Variants in MAN1A2 observed in about 807,000 individuals in gnomAD.
MAN1A2 encodes the protein mannosyl-oligosaccharide 1,2-alpha-mannosidase IB.
Under a neutral mutation model 75.7 loss-of-function variants are expected in MAN1A2, and 26 were observed. The ratio of observed to expected loss-of-function variants is 0.34; its 90% confidence interval spans 0.25 to 0.48. The LOEUF (loss-of-function observed/expected upper bound fraction) is 0.48, where lower values mean the gene tolerates loss of function less well. Ranked by LOEUF, MAN1A2 falls within the 20% of genes least tolerant of loss-of-function variation. The pLI, the probability that MAN1A2 is intolerant of heterozygous loss-of-function variation, is 0.99. For missense variants in MAN1A2, 562 were observed against 775.5 expected, an observed-to-expected ratio of 0.72 and a Z score of 3.27; for synonymous variants, 247 against 264.6, an observed-to-expected ratio of 0.93 and a Z score of 0.65.
chr1:117,513,233 A>G (rs972483155), intron 12 of MAN1A2, among the ~76,000 whole-genome samples: 2 of 152,184 alleles, frequency 1.3e-5, no homozygotes, highest in Non-Finnish European at 2.9e-5. Context: ...TTTAAGGGGT[A>G]TAGAGTTTGA....
At chr1:117,459,784 G>C (rs1404297615) in intron 6 of MAN1A2, among the ~76,000 whole-genome samples, 1 of 152,104 alleles carries the variant, frequency 6.6e-6, no homozygotes, top group Non-Finnish European at 1.5e-5. Flanking sequence ...AATAGCCCAA[G>C]GGACCATCAA....
chr1:117,498,567 GT>G (rs1464136751), intron 10 of MAN1A2, among the ~76,000 whole-genome samples: 3 of 151,774 alleles, frequency 2.0e-5, no homozygotes, highest in Non-Finnish European at 4.4e-5. Context: ...TGATTTTAAT[GT>G]TTCATAATGA....
chr1:117,498,288 G>C (rs939789582), intron 10 of MAN1A2, among the ~76,000 whole-genome samples: 4 of 151,620 alleles, frequency 2.6e-5, no homozygotes, highest in Non-Finnish European at 4.4e-5. Context: ...TTTATATTAG[G>C]ATCCATGAGA....
intron 12 of MAN1A2, chr1:117,514,864 G>A (rs1356762739): frequency 1.9e-6 from 1 of 532,890 alleles, no homozygotes. Flanking sequence ...CTCCTACCAT[G>A]AGAGAACTGT....
At chr1:117,424,405 C>A (rs1557944205) in intron 5 of MAN1A2, among the ~76,000 whole-genome samples, 1 of 152,128 alleles carries the variant, frequency 6.6e-6, no homozygotes, top group East Asian at 1.9e-4. Flanking sequence ...GTACTGTAAT[C>A]CAAGAATGTT....
At chr1:117,442,453 G>C (rs1649068021) in intron 6 of MAN1A2, 128 bp downstream of exon 6, 1 of 581,956 alleles carries the variant, frequency 1.7e-6, no homozygotes, top group African/African-American at 1.9e-5. Context: ...TATAATCTTT[G>C]TTTTCTTTTG....
intron 12 of MAN1A2, among the ~76,000 whole-genome samples, chr1:117,510,781 ATCCT>A (rs2101889003): frequency 6.6e-6 from 1 of 152,226 alleles, no homozygotes; most frequent in East Asian, 1.9e-4. Context: ...ATGTAAAATA[ATCCT>A]GACATAAAAT....
chr1:117,400,637 C>T (rs1647393476), intron 1 of MAN1A2, among the ~76,000 whole-genome samples: 1 of 152,036 alleles, frequency 6.6e-6, no homozygotes, highest in South Asian at 2.1e-4. Flanking sequence ...GCTTCTTTCA[C>T]TCGGATAAGA....
In MAN1A2 at chr1:117,372,431, A is replaced by G. The variant is rs146748307; in HGVS notation, c.302+3946A>G. Among the ~76,000 whole-genome samples, 992 of 152,330 alleles carry G rather than the reference A, an allele frequency of 6.5e-3. 6 individuals carry two copies. Among genetic ancestry groups the G allele is most frequent in the African/African-American group, 0.023 (936 of 41,582 alleles). The stretch of plus-strand genomic sequence containing the variant: ...TGGATTAGTAAGAAATACATACTAT[A>G]TTTAATTAATGCCCTAATTTATAGA... On this transcript the variant is annotated intron_variant, in intron 1 of 12. Coordinates refer to ENST00000356554, the MANE Select transcript of MAN1A2 (RefSeq NM_006699.5).
intron 1 of MAN1A2, among the ~76,000 whole-genome samples, chr1:117,382,261 C>G (rs1042610169): frequency 6.6e-6 from 1 of 152,146 alleles, no homozygotes; most frequent in African/African-American, 2.4e-5. Context: ...CTTGCCCATG[C>G]CTATGTCCTG....
intron 1 of MAN1A2, among the ~76,000 whole-genome samples, chr1:117,401,956 C>A (rs1647442876): frequency 6.6e-6 from 1 of 152,052 alleles, no homozygotes; most frequent in Non-Finnish European, 1.5e-5. Context: ...TGCTCTTAGT[C>A]TGGAAATTGT....
intron 12 of MAN1A2, among the ~76,000 whole-genome samples, chr1:117,520,332 CAAAA>C (rs1358819106): frequency 6.6e-6 from 1 of 151,828 alleles, no homozygotes; most frequent in Non-Finnish European, 1.5e-5. Flanking sequence ...AGCAATCAGG[CAAAA>C]GAAAGAAAGG....
In MAN1A2 at chr1:117,496,755, T is replaced by C. The variant is rs751216078; in HGVS notation, c.1285-8T>C. 2.5e-6 allele frequency: 4 copies of C among 1,594,408 alleles called. No individual in the cohort carries two copies. Among genetic ancestry groups the C allele is most frequent in the Non-Finnish European group, 3.4e-6 (4 of 1,164,386 alleles). Reference sequence around the variant, plus strand: ...TCTAAAATTTTGAATATCTTTTCTTTCCTGTAGGCTATAGAAAAACATCTT... The same window carrying C: ...TCTAAAATTTTGAATATCTTTTCTTCCCTGTAGGCTATAGAAAAACATCTT... On this transcript the variant is annotated splice_polypyrimidine_tract_variant and splice_region_variant and intron_variant, in intron 9 of 12. Coordinates refer to ENST00000356554, the MANE Select transcript of MAN1A2 (RefSeq NM_006699.5).
intron 8 of MAN1A2, among the ~76,000 whole-genome samples, chr1:117,478,752 T>G (rs1368968308): frequency 6.6e-6 from 1 of 151,866 alleles, no homozygotes; most frequent in African/African-American, 2.4e-5. Context: ...TAGACTCTAT[T>G]CTGTTTGTTA....
intron 5 of MAN1A2, among the ~76,000 whole-genome samples, chr1:117,426,461 G>A (rs1648377175): frequency 6.6e-6 from 1 of 152,056 alleles, no homozygotes; most frequent in Non-Finnish European, 1.5e-5. Flanking sequence ...ATAGGATTAT[G>A]TCCTGATAAA....
rs574730925 is a variant in MAN1A2, at chr1:117,407,379, AT to A, written c.655+1740del. ...AGTACAATTTGAGTTTTTTTAATCT[AT>A]TTTTTGATCTTTTTCTTTTTTAAAA... On this transcript the variant is annotated intron_variant, in intron 3 of 12. Coordinates refer to ENST00000356554, the MANE Select transcript of MAN1A2 (RefSeq NM_006699.5). 7.2e-4 allele frequency among the ~76,000 whole-genome samples: 109 copies of A among 151,826 alleles called. 1 individual carries two copies. Among genetic ancestry groups the A allele is most frequent in the African/African-American group, 2.6e-3 (108 of 41,406 alleles).
At chr1:117,406,164 T>C (rs909099718) in intron 3 of MAN1A2, among the ~76,000 whole-genome samples, 2 of 152,134 alleles carry the variant, frequency 1.3e-5, no homozygotes, top group African/African-American at 4.8e-5. Context: ...GCTGTGTTCA[T>C]CTTGAGTTTG....
At chr1:117,442,072 C>T (rs756498317) in intron 5 of MAN1A2, among the ~76,000 whole-genome samples, 159 bp from the exon 6 acceptor site, 11 of 152,162 alleles carry the variant, frequency 7.2e-5, no homozygotes, top group Non-Finnish European at 1.5e-4. Flanking sequence ...AACATGCTCT[C>T]TGATTGCCAA....
At chr1:117,490,518 C>G (rs1382881315) in intron 8 of MAN1A2, among the ~76,000 whole-genome samples, 1 of 152,010 alleles carries the variant, frequency 6.6e-6, no homozygotes, top group African/African-American at 2.4e-5. Flanking sequence ...TTTGGTCTCC[C>G]TATTCTTTGA....
Sources: allele counts gnomAD v4.1 joint callset (sites outside exome capture counted in the v4.1 genomes callset), GRCh38; gene constraint gnomAD v4.1.1; transcripts MANE v1.5; gene names NCBI Gene and HGNC (gene_info 2026-07-23, HGNC 2026-07-21).